The following RRM1 variants were observed in gnomAD, a reference collection of about 807,000 sequenced individuals.
The protein encoded by RRM1 is ribonucleoside-diphosphate reductase large subunit.
In RRM1, 19 loss-of-function variants were observed where a neutral mutation model predicts 101.5. That is an observed-to-expected ratio of 0.19 (90% CI 0.13 to 0.27). The LOEUF (loss-of-function observed/expected upper bound fraction) is 0.27. RRM1 is among the 10% of genes least tolerant of loss of function. RRM1 has a pLI of 1.00. For synonymous variants in RRM1, 298 were observed against 323.4 expected, an observed-to-expected ratio of 0.92 and a Z score of 0.84; for missense variants, 500 against 962.9, an observed-to-expected ratio of 0.52 and a Z score of 6.36.
At chr11:4,121,416 CAT>C (rs2094581707) in intron 9 of RRM1, among the ~76,000 whole-genome samples, 186 bp from the exon 10 acceptor site, 1 of 152,128 alleles carries the variant, frequency 6.6e-6, no homozygotes, top group Non-Finnish European at 1.5e-5. Flanking sequence ...CGTTTTTACT[CAT>C]AGAATTGTAA....
intron 7 of RRM1, among the ~76,000 whole-genome samples, chr11:4,117,916 A>G (rs778286033): frequency 2.0e-5 from 3 of 152,222 alleles, no homozygotes; most frequent in Non-Finnish European, 2.9e-5. Context: ...TTGGTTGACA[A>G]TTGGAGAGAT....
chr11:4,106,615 G>T (rs1037627173), intron 3 of RRM1, among the ~76,000 whole-genome samples: 10 of 152,212 alleles, frequency 6.6e-5, no homozygotes, highest in African/African-American at 2.4e-4. Context: ...GGGCGTGGTG[G>T]TGGGGGCCTG....
intron 1 of RRM1, among the ~76,000 whole-genome samples, chr11:4,097,278 CAAAAAAA>C (rs1221330899): frequency 1.5e-5 from 1 of 68,846 alleles, no homozygotes; most frequent in Non-Finnish European, 2.8e-5. Flanking sequence ...CACTCTGTCT[CAAAAAAA>C]AAAAAAAAAA....
chr11:4,104,025 C>T (rs920892158), intron 2 of RRM1, among the ~76,000 whole-genome samples: 5 of 150,950 alleles, frequency 3.3e-5, no homozygotes, highest in African/African-American at 9.8e-5. Context: ...GTGGGAGGAT[C>T]GCTTGAGCCC....
At chr11:4,136,618 T>C (rs1359359358) in intron 18 of RRM1, among the ~76,000 whole-genome samples, 2 of 151,888 alleles carry the variant, frequency 1.3e-5, no homozygotes, top group Non-Finnish European at 2.9e-5. Context: ...AGTGCAATGA[T>C]ACAGTCTTGG....
At position 4,118,053 on chromosome 11, in the gene RRM1, T is replaced by C. The variant is rs140361166; in HGVS notation, c.651-267T>C. On this transcript the variant is annotated intron_variant, in intron 7 of 18. Coordinates refer to ENST00000300738, the MANE Select transcript of RRM1 (RefSeq NM_001033.5). ...GCAGTCTGGTGAAAATGTAAGCCAA[T>C]ATTTTAGACTTATCTATAAGACTTC... Among the ~76,000 whole-genome samples, 987 of 152,330 alleles carry C rather than the reference T, an allele frequency of 6.5e-3. 13 individuals are homozygous for C. The highest frequency in any genetic ancestry group is 0.022 in the African/African-American group (932 of 41,572).
intron 1 of RRM1, among the ~76,000 whole-genome samples, chr11:4,096,463 T>C (rs1476982981): frequency 1.3e-5 from 2 of 152,208 alleles, no homozygotes; most frequent in Admixed American, 1.3e-4. Context: ...AATGTCCAGA[T>C]TGGTTTAACT....
rs200388706 is a variant in RRM1 at position 4,111,649 on chromosome 11, T to G, written c.487+9T>G. 116 of 1,594,086 alleles carry G rather than the reference T, an allele frequency of 7.3e-5. No individual in the cohort carries two copies. The Middle Eastern group carries it at 8.7e-4, about 12-fold the overall frequency. On this transcript the variant is annotated intron_variant, in intron 6 of 18. Coordinates refer to ENST00000300738, the MANE Select transcript of RRM1 (RefSeq NM_001033.5). ...GAAGATCAATGGAAAAGGTGAGAAATGAACATGTTTGTCTGTTACATTTTC... is the reference window on the plus strand; with the variant it reads ...GAAGATCAATGGAAAAGGTGAGAAAGGAACATGTTTGTCTGTTACATTTTC...
intron 18 of RRM1, among the ~76,000 whole-genome samples, chr11:4,136,217 T>TTATG (rs373055092): frequency 9.2e-5 from 14 of 151,464 alleles, no homozygotes; most frequent in African/African-American, 2.7e-4. Flanking sequence ...GTATTTTATT[T>TTATG]TATGTATGTA....
At chr11:4,100,762 TC>T (rs1220860341) in intron 1 of RRM1, among the ~76,000 whole-genome samples, 1 of 152,242 alleles carries the variant, frequency 6.6e-6, no homozygotes, top group African/African-American at 2.4e-5. Context: ...TTTTACCTTA[TC>T]TAATTTTATT....
In RRM1 at chr11:4,138,357, G is replaced by A. The variant is rs139927481; in HGVS notation, c.2353G>A (p.Asp785Asn). Residue 785 changes from aspartate to asparagine, a missense_variant, in exon 19 of 19, where the codon GAT becomes AAT. Physicochemically the swap from Asp to Asn is conservative, Grantham distance 23. Coordinates refer to ENST00000300738, the MANE Select transcript of RRM1 (RefSeq NM_001033.5). ...AAMVCSLENR[D>N]ECLMCGS ...CATGGTGTGCTCTTTGGAGAATAGA[G>A]ATGAATGTCTGATGTGTGGATCCTG... 1.2e-6 allele frequency: 2 copies of A among 1,608,800 alleles called. No homozygotes were observed. The highest frequency in any genetic ancestry group is 1.7e-5 in the Admixed American group (1 of 59,038).
chr11:4,133,901 A>G (rs893837624), intron 17 of RRM1, among the ~76,000 whole-genome samples: 8 of 151,628 alleles, frequency 5.3e-5, no homozygotes, highest in South Asian at 4.2e-4. Context: ...CTTAGAATCA[A>G]CTGGGGAGCT....
chr11:4,127,969 C>T (rs558244262), intron 14 of RRM1, among the ~76,000 whole-genome samples: 1 of 152,072 alleles, frequency 6.6e-6, no homozygotes, highest in Non-Finnish European at 1.5e-5. Context: ...GTCTGAGACA[C>T]AGAGTTCTCT....
In RRM1 at chr11:4,111,587, TTCTC is replaced by T; in HGVS notation, c.448-10_448-7del. Reference sequence around the variant, plus strand: ...CGGTGCTCTGAAAATTTTTTGTTGTTTCTCTCTTTCTAGACGCTAGAGCGGTCTT... The same window carrying T: ...CGGTGCTCTGAAAATTTTTTGTTGTTTCTTTCTAGACGCTAGAGCGGTCTT... On this transcript the variant is annotated splice_polypyrimidine_tract_variant and intron_variant, in intron 5 of 18. Coordinates refer to ENST00000300738, the MANE Select transcript of RRM1 (RefSeq NM_001033.5). The T allele has an allele frequency of 6.3e-7, 1 of 1,587,996 alleles. No individual in the cohort carries two copies. Among genetic ancestry groups the T allele is most frequent in the Non-Finnish European group, 8.6e-7 (1 of 1,166,514 alleles).
At chr11:4,111,459 A>G (rs551658215) in intron 5 of RRM1, 142 bp from the exon 6 acceptor site, 1 of 484,922 alleles carries the variant, frequency 2.1e-6, no homozygotes, top group South Asian at 4.8e-5. Context: ...TGAAGCTAGG[A>G]AGAGTAAATG....
intron 7 of RRM1, among the ~76,000 whole-genome samples, chr11:4,115,871 A>C (rs1279051805): frequency 6.6e-6 from 1 of 152,060 alleles, no homozygotes; most frequent in Non-Finnish European, 1.5e-5. Flanking sequence ...TTCCACTTAT[A>C]TCTCGATAGG....
Position 4,096,627 on chromosome 11 carries a change from G to A in RRM1, c.19+1596G>A, listed in dbSNP as rs943914305. On this transcript the variant is annotated intron_variant, in intron 1 of 18. Transcript: ENST00000300738. ...TATTGATCCATTCATAAGAGTGAGA[G>A]CTGAGCATCTATTTTTGTATTTTTA... Among the ~76,000 whole-genome samples the A allele has an allele frequency of 3.9e-5, 6 of 152,084 alleles. No individual in the cohort carries two copies. The South Asian group carries it at 6.2e-4, about 16-fold the overall frequency.
chr11:4,134,880 T>G (rs1410750070), intron 17 of RRM1, among the ~76,000 whole-genome samples: 1 of 152,176 alleles, frequency 6.6e-6, no homozygotes, highest in Admixed American at 6.5e-5. Context: ...CAGATTGATA[T>G]TTGGTTGGTT....
chr11:4,101,967 A>C lies in RRM1; in HGVS notation c.20-26A>C, dbSNP rs1490580497. The C allele has an allele frequency of 6.5e-6, 8 of 1,236,498 alleles. No individual in the cohort carries two copies. In the Admixed American group the frequency reaches 1.5e-4, roughly 23 times the overall value. 76.6% of individuals were successfully genotyped at this position (1,236,498 alleles called of 1,614,324 possible). A position where few individuals can be genotyped will look rare whatever the true frequency, so the allele number is the denominator to read the frequency against. On this transcript the variant is annotated intron_variant, in intron 1 of 18. Transcript: ENST00000300738. ...AATAATTGCTAACATGAATTTAATAATTGCTAACATGATTTGATTCTTTAG... is the reference window on the plus strand; with the variant it reads ...AATAATTGCTAACATGAATTTAATACTTGCTAACATGATTTGATTCTTTAG...
Sources: allele counts gnomAD v4.1 joint callset (sites outside exome capture counted in the v4.1 genomes callset), GRCh38; gene constraint gnomAD v4.1.1; transcripts MANE v1.5; gene names NCBI Gene and HGNC (gene_info 2026-07-23, HGNC 2026-07-21).